SHMT1: variants seen among roughly 807,000 people sequenced by gnomAD.
SHMT1 encodes serine hydroxymethyltransferase 1, also known as serine hydroxymethyltransferase, cytosolic.
Under a neutral mutation model 49.0 loss-of-function variants are expected in SHMT1, and 45 were observed. That is an observed-to-expected ratio of 0.92 (90% CI 0.72 to 1.18). The LOEUF (loss-of-function observed/expected upper bound fraction) is 1.18, where lower values mean the gene tolerates loss of function less well. Ranked by LOEUF, SHMT1 falls within the 50% of genes most tolerant of loss-of-function variation. The probability of loss-of-function intolerance (pLI) is 0.00; values close to 1 mark genes in which losing one functional copy is unlikely to be tolerated. For synonymous variants in SHMT1, 232 were observed against 246.6 expected (o/e 0.94, Z 0.55); for missense variants, 541 against 612.4 (o/e 0.88, Z 1.23).
At chr17:18,337,526 T>A (rs1459057954) in intron 7 of SHMT1, among the ~76,000 whole-genome samples, 1 of 151,134 alleles carries the variant, frequency 6.6e-6, no homozygotes, top group Admixed American at 6.6e-5. Flanking sequence ...CGGGTAAGAG[T>A]AATGTAGTCG....
At chr17:18,355,819 A>G in intron 2 of SHMT1, 67 bp downstream of exon 2, 1 of 977,516 alleles carries the variant, frequency 1.0e-6, no homozygotes, top group South Asian at 1.3e-5. Context: ...TTAATTTGTA[A>G]TTAGAACTAA....
rs1983096629 is a variant in SHMT1 at position 18,330,595 on chromosome 17, T to G, written c.1131A>C (p.Leu377=). The change falls in exon 10 of 12, where the codon CTA becomes CTC. Residue 377 remains leucine (L), a synonymous_variant. Transcript: ENST00000316694. ...GTDGGRAEKV[L]EACSIACNKN... ...TGTTGCAGGCAATAGAACAGGCTTC[T>G]AGCACCTTCTCAGCCCTTCCACCAT... 1 of 1,614,016 alleles carries G rather than the reference T, an allele frequency of 6.2e-7. No homozygotes were observed. The highest frequency in any genetic ancestry group is 1.7e-5 in the Admixed American group (1 of 60,000).
Position 18,353,123 on chromosome 17 carries a change from T to C in SHMT1, c.242+549A>G, listed in dbSNP as rs997968097. 6.6e-5 allele frequency among the ~76,000 whole-genome samples: 10 copies of C among 152,242 alleles called. No individual in the cohort carries two copies. In the East Asian group the frequency reaches 1.9e-3, roughly 29 times the overall value. On this transcript the variant is annotated intron_variant, in intron 3 of 11. Coordinates refer to ENST00000316694, the MANE Select transcript of SHMT1 (RefSeq NM_004169.5). ...AAAATGCACACATTTGCAAAAGCCATGTCTAATTCTGTAATTTATTTTCTT... is the reference window on the plus strand; with the variant it reads ...AAAATGCACACATTTGCAAAAGCCACGTCTAATTCTGTAATTTATTTTCTT...
At chr17:18,344,577 G>GAAAAAAA (rs10655994) in intron 5 of SHMT1, among the ~76,000 whole-genome samples, 35 of 65,382 alleles carry the variant, frequency 5.4e-4, no homozygotes, top group African/African-American at 2.0e-3. Flanking sequence ...ACAATTACCG[G>GAAAAAAA]AAAAAAAAAA....
At position 18,355,890 on chromosome 17, in the gene SHMT1, A is replaced by G; in HGVS notation, c.92T>C (p.Val31Ala). The change falls in exon 2 of 12, where the codon GTT becomes GCT. Residue 31 changes from valine (V) to alanine (A), a missense_variant. Physicochemically the swap from Val to Ala is moderately conservative, Grantham distance 64. Coordinates refer to ENST00000316694, the MANE Select transcript of SHMT1 (RefSeq NM_004169.5). ...TGAAGACCCCAAAAATCTCACCTCA[A>G]CATCACTGTCTTTGAGGGGTTGTGC... ...MLAQPLKDSDVEVYNIIKKES... is the reference protein window; with the variant it reads ...MLAQPLKDSDAEVYNIIKKES... 6.2e-7 allele frequency: 1 copy of G among 1,611,552 alleles called. No homozygotes were observed.
chr17:18,359,886 T>C (rs375517186), intron 1 of SHMT1, among the ~76,000 whole-genome samples: 13 of 149,548 alleles, frequency 8.7e-5, no homozygotes, highest in African/African-American at 2.7e-4. Flanking sequence ...GCGGAGACTG[T>C]AGTGAGCAGA....
intron 1 of SHMT1, among the ~76,000 whole-genome samples, chr17:18,361,165 G>A (rs1986720729): frequency 6.6e-6 from 1 of 151,856 alleles, no homozygotes; most frequent in Non-Finnish European, 1.5e-5. Flanking sequence ...AATGAGCTGG[G>A]TGTGTGGTGC....
At chr17:18,360,115 G>C (rs1986621695) in intron 1 of SHMT1, among the ~76,000 whole-genome samples, 1 of 151,932 alleles carries the variant, frequency 6.6e-6, no homozygotes, top group African/African-American at 2.4e-5. Flanking sequence ...TGGGCATAGT[G>C]GTGGGCCCCT....
chr17:18,353,358 CAGA>C (rs1985909808), intron 3 of SHMT1, among the ~76,000 whole-genome samples: 2 of 152,334 alleles, frequency 1.3e-5, no homozygotes, highest in South Asian at 4.1e-4. Context: ...CAGCATCCCT[CAGA>C]TGACACTGAC....
At position 18,333,149 on chromosome 17, in the gene SHMT1, A is replaced by G. The variant is rs557050322; in HGVS notation, c.1054+17T>C. On this transcript the variant is annotated intron_variant, in intron 9 of 11. Transcript: ENST00000316694. The stretch of plus-strand genomic sequence containing the variant: ...AACCACAAGAACAGGCCTGCTGAAC[A>G]CCATCTGTGTCTCTACCTGTGACTA... The G allele has an allele frequency of 1.1e-4, 181 of 1,613,772 alleles. No individual in the cohort carries two copies. The highest frequency in any genetic ancestry group is 1.5e-4 in the Non-Finnish European group (176 of 1,179,876).
At chr17:18,358,843 C>CA (rs1311184607) in intron 1 of SHMT1, among the ~76,000 whole-genome samples, 4 of 152,108 alleles carry the variant, frequency 2.6e-5, no homozygotes, top group African/African-American at 7.2e-5. Context: ...CTAGAGGTTG[C>CA]AATGAGCCGT....
Position 18,333,160 on chromosome 17 carries a change from C to G in SHMT1, c.1054+6G>C. 2 of 1,614,032 alleles carry G rather than the reference C, an allele frequency of 1.2e-6. No individual in the cohort carries two copies. The highest frequency in any genetic ancestry group is 8.5e-7 in the Non-Finnish European group (1 of 1,179,942). On this transcript the variant is annotated splice_donor_region_variant and intron_variant, in intron 9 of 11. Transcript: ENST00000316694. ...CAGGCCTGCTGAACACCATCTGTGT[C>G]TCTACCTGTGACTATTTTGTAGCCC...
At position 18,332,802 on chromosome 17, in the gene SHMT1, A is replaced by G. The variant is rs1261770605; in HGVS notation, c.1054+364T>C. 8.5e-6 allele frequency: 3 copies of G among 353,648 alleles called. No individual in the cohort carries two copies. In the Admixed American group the frequency reaches 1.1e-4, roughly 13 times the overall value. 21.9% of individuals were successfully genotyped at this position (353,648 alleles called of 1,614,324 possible). ...GTGAGAGAAGACACTCCCCTGGCAC[A>G]GTGCAAGGCATCACCACACAGTCCT... is the stretch of plus-strand genomic sequence containing the variant. On this transcript the variant is annotated intron_variant, in intron 9 of 11. Coordinates refer to ENST00000316694, the MANE Select transcript of SHMT1 (RefSeq NM_004169.5).
chr17:18,359,130 T>C (rs1443913502), intron 1 of SHMT1, among the ~76,000 whole-genome samples: 3 of 150,888 alleles, frequency 2.0e-5, no homozygotes, highest in Non-Finnish European at 4.4e-5. Flanking sequence ...CCCAGCTACT[T>C]GGGAGGCTGA....
At chr17:18,345,720 G>A (rs149553940) in intron 5 of SHMT1, among the ~76,000 whole-genome samples, 2,273 of 147,904 alleles carry the variant, frequency 0.015, 62 homozygotes, top group African/African-American at 0.053. Context: ...CACTCTTGTC[G>A]CCCACTCTGG....
intron 7 of SHMT1, among the ~76,000 whole-genome samples, chr17:18,336,543 G>GT (rs1230130237): frequency 6.6e-6 from 1 of 152,014 alleles, no homozygotes; most frequent in Non-Finnish European, 1.5e-5. Context: ...GCGGGCATCT[G>GT]TAATTCCAGC....
intron 7 of SHMT1, among the ~76,000 whole-genome samples, chr17:18,336,296 A>C (rs1459154572): frequency 6.6e-6 from 1 of 151,470 alleles, no homozygotes. Flanking sequence ...AAAAGAAAAA[A>C]AAAGGACAGA....
At chr17:18,335,211 G>C (rs757041247) in intron 8 of SHMT1, among the ~76,000 whole-genome samples, 7 of 152,324 alleles carry the variant, frequency 4.6e-5, no homozygotes, top group Non-Finnish European at 5.9e-5. Flanking sequence ...GGCCCATCAA[G>C]GGCAAGGGGA....
chr17:18,345,343 C>T (rs1480101212), intron 5 of SHMT1, among the ~76,000 whole-genome samples: 9 of 152,162 alleles, frequency 5.9e-5, no homozygotes, highest in Non-Finnish European at 1.2e-4. Context: ...CTGCAACCTC[C>T]GCCTCCCAGG....
Sources: gnomAD v4.1 joint callset for allele counts (sites outside exome capture counted in the v4.1 genomes callset) on GRCh38, gnomAD v4.1.1 for gene constraint, MANE v1.5 for transcripts, NCBI Gene and HGNC (gene_info 2026-07-23, HGNC 2026-07-21) for gene names.